Variants in UBE2V1 observed in about 807,000 individuals in gnomAD.
UBE2V1 encodes ubiquitin-conjugating enzyme E2 variant 1.
Under a neutral mutation model 19.6 loss-of-function variants are expected in UBE2V1, and 15 were observed. The observed-to-expected ratio is 0.77, with a 90% CI of 0.51 to 1.18. The LOEUF is 1.18. UBE2V1 is among the 50% of genes most tolerant of loss of function. UBE2V1 has a pLI of 0.00. For synonymous variants in UBE2V1, 60 were observed against 60.7 expected, an observed-to-expected ratio of 0.99 and a Z score of 0.05; for missense variants, 125 against 184.8, an observed-to-expected ratio of 0.68 and a Z score of 1.88.
chr20:50,103,213 C>G (rs1289658763), intron 1 of UBE2V1, among the ~76,000 whole-genome samples: 3 of 152,146 alleles, frequency 2.0e-5, no homozygotes, highest in African/African-American at 7.2e-5. Context: ...CACCCAAATA[C>G]TTATTGAAAG....
At chr20:50,093,584 T>C (rs1028533300) in intron 2 of UBE2V1, among the ~76,000 whole-genome samples, 1 of 152,194 alleles carries the variant, frequency 6.6e-6, no homozygotes, top group Non-Finnish European at 1.5e-5. Context: ...CTAGTAGGAA[T>C]GTAAAATGGT....
chr20:50,112,453 T>G (rs2147230473), intron 1 of UBE2V1, among the ~76,000 whole-genome samples: 1 of 152,164 alleles, frequency 6.6e-6, no homozygotes, highest in South Asian at 2.1e-4. Context: ...TGAATCCTTT[T>G]CCCTCCTCTC....
At chr20:50,085,396 C>G (rs529162986) in intron 2 of UBE2V1, among the ~76,000 whole-genome samples, 2 of 152,252 alleles carry the variant, frequency 1.3e-5, no homozygotes, top group Admixed American at 6.5e-5. Flanking sequence ...CAAACACTAC[C>G]TAGTCCCTAG....
chr20:50,098,088 C>T (rs752707955), intron 1 of UBE2V1, among the ~76,000 whole-genome samples: 6 of 151,878 alleles, frequency 4.0e-5, no homozygotes, highest in Admixed American at 6.6e-5. Flanking sequence ...GGGAGTAATA[C>T]GGGAGGGGCT....
At chr20:50,095,064 C>T (rs895540053) in intron 2 of UBE2V1, 2 of 152,218 alleles carry the variant, frequency 1.3e-5, no homozygotes, top group East Asian at 3.9e-4. Flanking sequence ...TGAAAGTGTA[C>T]AATTCAGTGG....
intron 1 of UBE2V1, among the ~76,000 whole-genome samples, chr20:50,099,759 G>A (rs370995067): frequency 8.5e-5 from 13 of 152,196 alleles, no homozygotes; most frequent in South Asian, 2.1e-4. Context: ...CTCACTTAAC[G>A]GCATTCCTTA....
At chr20:50,097,638 A>G (rs569179404) in intron 1 of UBE2V1, among the ~76,000 whole-genome samples, 2 of 152,288 alleles carry the variant, frequency 1.3e-5, no homozygotes, top group Admixed American at 1.3e-4. Context: ...CATCTCTCCT[A>G]GGGTTGCACT....
At chr20:50,091,812 T>G (rs1379315725) in intron 2 of UBE2V1, among the ~76,000 whole-genome samples, 1 of 152,194 alleles carries the variant, frequency 6.6e-6, no homozygotes, top group Non-Finnish European at 1.5e-5. Context: ...CCATTTTTCT[T>G]AAAAAGATAT....
At chr20:50,113,222 C>G, upstream of UBE2V1, 2 of 1,066,084 alleles carry the variant, frequency 1.9e-6, no homozygotes, top group Non-Finnish European at 2.4e-6. Flanking sequence ...CACGCACATA[C>G]GCCGCCGCTG....
chr20:50,098,818 A>G (rs930929506), intron 1 of UBE2V1: 1 of 643,482 alleles, frequency 1.6e-6, no homozygotes, highest in Non-Finnish European at 1.9e-6. Context: ...GTTGATTACA[A>G]GAAAAATATT....
chr20:50,089,807 A>T (rs2079119979), intron 2 of UBE2V1, among the ~76,000 whole-genome samples: 1 of 152,228 alleles, frequency 6.6e-6, no homozygotes, highest in African/African-American at 2.4e-5. Context: ...ATTCTTAAGG[A>T]CTGAATGGTC....
intron 1 of UBE2V1, 61 bp downstream of exon 1, chr20:50,113,046 C>T: frequency 8.2e-6 from 6 of 733,406 alleles, no homozygotes; most frequent in Non-Finnish European, 1.2e-5. Flanking sequence ...CTTTGAGGGT[C>T]CCCGGCCCCC....
chr20:50,081,393 C>T lies in UBE2V1; in HGVS notation c.*1375G>A, dbSNP rs889457438. 5.9e-5 allele frequency: 9 copies of T among 151,592 alleles called. No individual in the cohort carries two copies. Among genetic ancestry groups the T allele is most frequent in the African/African-American group, 1.2e-4 (5 of 41,126 alleles). 9.4% of individuals were successfully genotyped at this position (151,592 alleles called of 1,614,324 possible). A position where few individuals can be genotyped will look rare whatever the true frequency, so the allele number is the denominator to read the frequency against. The stretch of plus-strand genomic sequence containing the variant: ...AGTACACAATGAATTGCTTTTATTT[C>T]GGTATGCATCCACATTTCAGCATTT... On this transcript the variant is annotated 3_prime_UTR_variant, in exon 4 of 4. Coordinates refer to ENST00000371674, the MANE Select transcript of UBE2V1 (RefSeq NM_001032288.3).
At chr20:50,113,185 C>G (rs1056207499), upstream of UBE2V1, 5 of 1,246,998 alleles carry the variant, frequency 4.0e-6, no homozygotes, top group Admixed American at 8.3e-5. Context: ...TTACCCGTCC[C>G]CCGGCCCTGA....
At chr20:50,094,569 T>C (rs1347626813) in intron 2 of UBE2V1, among the ~76,000 whole-genome samples, 1 of 152,098 alleles carries the variant, frequency 6.6e-6, no homozygotes, top group Non-Finnish European at 1.5e-5. Flanking sequence ...TATTGATAGA[T>C]GCTACAATAT....
intron 1 of UBE2V1, 55 bp downstream of exon 1, chr20:50,113,045 TCCCCGGC>T: frequency 6.8e-6 from 5 of 730,974 alleles, no homozygotes; most frequent in Non-Finnish European, 7.8e-6. Context: ...GCTTTGAGGG[TCCCCGGC>T]CCCCGGCCCA....
chr20:50,093,876 C>G (rs1469895496), intron 2 of UBE2V1, among the ~76,000 whole-genome samples: 1 of 149,350 alleles, frequency 6.7e-6, no homozygotes, highest in African/African-American at 2.5e-5. Flanking sequence ...GTAATCCCAG[C>G]TACTCGGGAG....
intron 2 of UBE2V1, among the ~76,000 whole-genome samples, chr20:50,091,160 C>T (rs1452679875): frequency 1.3e-5 from 2 of 152,136 alleles, no homozygotes; most frequent in Non-Finnish European, 2.9e-5. Context: ...GATTCTCCCT[C>T]CTCAGCCTCT....
chr20:50,113,021 C>T, intron 1 of UBE2V1, 86 bp downstream of exon 1: 1 of 557,684 alleles, frequency 1.8e-6, no homozygotes, highest in Non-Finnish European at 2.7e-6. Flanking sequence ...GGGACCCTGG[C>T]TCCGCTGCAG....
Sources: gnomAD v4.1 joint callset for allele counts (sites outside exome capture counted in the v4.1 genomes callset) on GRCh38, gnomAD v4.1.1 for gene constraint, MANE v1.5 for transcripts, NCBI Gene and HGNC (gene_info 2026-07-23, HGNC 2026-07-21) for gene names.